CRYBG2: variants seen among roughly 807,000 people sequenced by gnomAD.
The protein encoded by CRYBG2 is beta/gamma crystallin domain-containing protein 2.
A neutral mutation model predicts 153.4 loss-of-function variants in CRYBG2; 106 were observed. The observed-to-expected ratio is 0.69, with a 90% confidence interval of 0.59 to 0.81. The LOEUF (loss-of-function observed/expected upper bound fraction) is 0.81, where lower values mean the gene tolerates loss of function less well. CRYBG2 is among the 30% of genes least tolerant of loss of function. CRYBG2 has a pLI of 0.00. For synonymous variants in CRYBG2, 851 were observed against 877.8 expected (o/e 0.97, Z 0.54); for missense variants, 1,996 against 2,112.0 (o/e 0.95, Z 1.08).
chr1:26,345,015 A>G lies in CRYBG2; in HGVS notation c.1643T>C (p.Val548Ala), dbSNP rs2074190441. Residue 548 changes from valine to alanine, a missense_variant, in exon 2 of 20, where the codon GTT becomes GCT. By Grantham distance (64) the Val-to-Ala change is moderately conservative (BLOSUM62 0). Coordinates refer to ENST00000308182, the MANE Select transcript of CRYBG2 (RefSeq NM_001039775.4). The part of the protein sequence containing the change: ...PDASFPTWKE[V>A]VKGPGAPAAS... ...AGCAGGAGCACCAGGGCCCTTCACA[A>G]CCTCTTTCCAGGTGGGAAATGAGGC... The G allele has an allele frequency of 4.0e-6, 4 of 996,200 alleles. No individual in the cohort carries two copies. The South Asian group carries it at 7.4e-5, about 18-fold the overall frequency. The allele number at this position is 996,200 out of a possible 1,614,324, so 61.7% of individuals were successfully genotyped here.
chr1:26,326,776 T>G (rs188565918), intron 17 of CRYBG2: 2 of 495,420 alleles, frequency 4.0e-6, no homozygotes, highest in African/African-American at 3.9e-5. Context: ...GTAATAGAAT[T>G]GTTGACCTCT....
At chr1:26,348,831 T>C (rs2074255213) in intron 1 of CRYBG2, among the ~76,000 whole-genome samples, 2 of 150,734 alleles carry the variant, frequency 1.3e-5, no homozygotes, top group South Asian at 2.1e-4. Flanking sequence ...GCTGGGATTA[T>C]AGACGTGAGC....
At chr1:26,331,671 C>T (rs2073998960) in intron 14 of CRYBG2, 53 bp from the exon 15 acceptor site, 4 of 1,597,282 alleles carry the variant, frequency 2.5e-6, no homozygotes, top group Non-Finnish European at 3.4e-6. Flanking sequence ...CCTTGGCCTG[C>T]CCAGGTTCCC....
rs56092779 is a variant in CRYBG2 at position 26,325,610 on chromosome 1, TACACACACACAC to T, written c.4579-1312_4579-1301del. On this transcript the variant is annotated intron_variant, in intron 17 of 19. Transcript: ENST00000308182. This position sits in a 1 kb window ranked among gnomAD's most constrained non-coding sequence, Gnocchi z 4.1. ...AAAAAAATGAATGCACTCCCACAGA[TACACACACACAC>T]ACACACACACACACACAGGTCATCA... Among the ~76,000 whole-genome samples, 5 of 148,948 alleles carry T rather than the reference TACACACACACAC, an allele frequency of 3.4e-5. No homozygotes were observed. In the South Asian group the frequency reaches 1.1e-3, roughly 32 times the overall value.
rs755147381 is a variant in CRYBG2, at chr1:26,322,207, G to A, written c.4854C>T (p.His1618=). 4 of 1,614,208 alleles carry A rather than the reference G, an allele frequency of 2.5e-6. No individual in the cohort carries two copies. Among genetic ancestry groups the A allele is most frequent in the South Asian group, 1.1e-5 (1 of 91,088 alleles). Residue 1618 remains histidine (H), a synonymous_variant, in exon 19 of 20, where the codon CAC becomes CAT. Transcript: ENST00000308182. ...GGCCTTCGAACATCTGGCTGCAGAT[G>A]TGGCCCGATTCACTGATGCTCCACG... ...RQTWSISESG[H]ICSQMFEGQI...
At position 26,336,734 on chromosome 1, in the gene CRYBG2, T is replaced by A. The variant is rs777718081; in HGVS notation, c.3912-2A>T. The A allele has an allele frequency of 6.3e-7, 1 of 1,583,802 alleles. No individual in the cohort carries two copies. Reference sequence around the variant, plus strand: ...CCCACCTCCTGGTAGGCCACCCACCTGCAGGAAGGGCGGGGCGCGAGTCAG... The same window carrying A: ...CCCACCTCCTGGTAGGCCACCCACCAGCAGGAAGGGCGGGGCGCGAGTCAG... On this transcript the variant is annotated splice_acceptor_variant, in intron 11 of 19. Transcript: ENST00000308182. LOFTEE classifies it high-confidence loss of function. The surrounding 1 kb of genome is among the most constrained non-coding windows in gnomAD (Gnocchi z 4.9).
chr1:26,336,747 G>C lies in CRYBG2; in HGVS notation c.3912-15C>G. 6.3e-7 allele frequency: 1 copy of C among 1,581,068 alleles called. No individual in the cohort carries two copies. On this transcript the variant is annotated splice_polypyrimidine_tract_variant and intron_variant, in intron 11 of 19. Transcript: ENST00000308182. This position sits in a 1 kb window ranked among gnomAD's most constrained non-coding sequence, Gnocchi z 4.9. ...AGGCCACCCACCTGCAGGAAGGGCG[G>C]GGCGCGAGTCAGCTGGGACGGAGCC...
chr1:26,344,892 G>A lies in CRYBG2; in HGVS notation c.1766C>T (p.Pro589Leu), dbSNP rs1407580339. The A allele has an allele frequency of 4.2e-5, 64 of 1,535,372 alleles. No homozygotes were observed. Among genetic ancestry groups the A allele is most frequent in the Non-Finnish European group, 5.3e-5 (61 of 1,147,550 alleles). The stretch of plus-strand genomic sequence containing the variant: ...TTTCTGGGTGGGCGATGAGGCAGCA[G>A]GAGCACCAGGGCCCTTCACAACCTC... ...PKEVVKGPGAPAASSPTQKEV... is the reference protein window; with the variant it reads ...PKEVVKGPGALAASSPTQKEV... Residue 589 changes from proline to leucine, a missense_variant, in exon 2 of 20, where the codon CCT becomes CTT. By Grantham distance (98) the Pro-to-Leu change is moderately conservative. Transcript: ENST00000308182.
intron 17 of CRYBG2, among the ~76,000 whole-genome samples, chr1:26,326,485 C>T (rs957833686): frequency 2.6e-5 from 4 of 151,238 alleles, no homozygotes; most frequent in African/African-American, 9.7e-5. Context: ...TTGCAGTGAG[C>T]CGAGATCATG....
Position 26,343,793 on chromosome 1 carries a change from T to C in CRYBG2, c.2865A>G (p.Arg955=). 2.8e-6 allele frequency: 4 copies of C among 1,451,318 alleles called. No individual in the cohort carries two copies. The South Asian group carries it at 4.5e-5, about 16-fold the overall frequency. The allele number at this position is 1,451,318 out of a possible 1,614,324, so 89.9% of individuals were successfully genotyped here. Residue 955 remains arginine, a synonymous_variant, in exon 2 of 20, where the codon AGA becomes AGG. Coordinates refer to ENST00000308182, the MANE Select transcript of CRYBG2 (RefSeq NM_001039775.4). The surrounding 1 kb of genome is among the most constrained non-coding windows in gnomAD (Gnocchi z 4.1). ...PGQLPLLCSE[R]SSPTEKLACS... ...AGGCAAGCTTCTCCGTTGGGGATGA[T>C]CTTTCACTGCAAAGCAGGGGCAACT...
Position 26,346,633 on chromosome 1 carries a change from C to G in CRYBG2, c.25G>C (p.Ala9Pro). 1 of 1,554,072 alleles carries G rather than the reference C, an allele frequency of 6.4e-7. No homozygotes were observed. The highest frequency in any genetic ancestry group is 1.4e-5 in the African/African-American group (1 of 73,270). MEEAGGPM[A>P]RAKARVVSAT... Reference sequence around the variant, plus strand: ...CTTACCACTCGGGCCTTGGCCCGGGCCATGGGCCCACCTGCCTCCTCCATG... The same window carrying G: ...CTTACCACTCGGGCCTTGGCCCGGGGCATGGGCCCACCTGCCTCCTCCATG... The change falls in exon 2 of 20, where the codon GCC becomes CCC. Residue 9 changes from alanine to proline, a missense_variant. Coordinates refer to ENST00000308182, the MANE Select transcript of CRYBG2 (RefSeq NM_001039775.4). The surrounding 1 kb of genome is among the most constrained non-coding windows in gnomAD (Gnocchi z 4.9).
At chr1:26,332,568 G>A (rs941472987) in intron 14 of CRYBG2, among the ~76,000 whole-genome samples, 5 of 151,986 alleles carry the variant, frequency 3.3e-5, no homozygotes, top group Middle Eastern at 3.4e-3. Context: ...GTGCAATGGC[G>A]CGATCTCAGC....
intron 5 of CRYBG2, among the ~76,000 whole-genome samples, 183 bp from the exon 6 acceptor site, chr1:26,339,612 C>T (rs1375268647): frequency 3.3e-5 from 5 of 151,822 alleles, no homozygotes; most frequent in Non-Finnish European, 7.4e-5. Context: ...TGGGCATGCC[C>T]GTAATCCCAG....
At chr1:26,338,553 G>A in intron 6 of CRYBG2, 76 bp from the exon 7 acceptor site, 1 of 1,448,102 alleles carries the variant, frequency 6.9e-7, no homozygotes, top group African/African-American at 1.4e-5. Context: ...GGGAGGGAAG[G>A]TTTAGAGTGG....
chr1:26,334,791 C>T (rs953298620), intron 14 of CRYBG2, among the ~76,000 whole-genome samples: 18 of 152,036 alleles, frequency 1.2e-4, no homozygotes, highest in East Asian at 3.9e-4. Flanking sequence ...GGCGTGGTGG[C>T]GGGTGCCTGT....
intron 18 of CRYBG2, among the ~76,000 whole-genome samples, chr1:26,323,241 C>T (rs934836308): frequency 5.3e-5 from 8 of 151,838 alleles, no homozygotes; most frequent in East Asian, 1.9e-4. Flanking sequence ...CCACCACATC[C>T]GGCTAGTTTT....
At chr1:26,332,079 G>A (rs1267857537) in intron 14 of CRYBG2, among the ~76,000 whole-genome samples, 3 of 150,588 alleles carry the variant, frequency 2.0e-5, no homozygotes, top group Admixed American at 6.6e-5. Context: ...AGGCTGAGGC[G>A]GGCAGATCAC....
chr1:26,343,307 A>G lies in CRYBG2; in HGVS notation c.2914-14T>C. 1 of 1,550,172 alleles carries G rather than the reference A, an allele frequency of 6.5e-7. No individual in the cohort carries two copies. The highest frequency in any genetic ancestry group is 8.7e-7 in the Non-Finnish European group (1 of 1,146,918). On this transcript the variant is annotated splice_polypyrimidine_tract_variant and intron_variant, in intron 2 of 19. Coordinates refer to ENST00000308182, the MANE Select transcript of CRYBG2 (RefSeq NM_001039775.4). This position sits in a 1 kb window ranked among gnomAD's most constrained non-coding sequence, Gnocchi z 4.1. ...TAAGGCTGGGCTCTGAAACGGAGGC[A>G]GGTGATAAAGAAGTCCTGTGGGGTC...
rs1226961441 is a variant in CRYBG2 at position 26,344,494 on chromosome 1, T to A, written c.2164A>T (p.Thr722Ser). The change falls in exon 2 of 20, where the codon ACC becomes TCC. Residue 722 changes from threonine (T) to serine (S), a missense_variant. By Grantham distance (58) the Thr-to-Ser change is moderately conservative. Coordinates refer to ENST00000308182, the MANE Select transcript of CRYBG2 (RefSeq NM_001039775.4). The stretch of plus-strand genomic sequence containing the variant: ...GCTCCTGTTGGCACTGGGGCAGGGG[T>A]GCCTCCTGGGCTGGGGGACACCCTG... Reference protein sequence around the residue: ...VDRVSPSPGGTPAPVPTGAEA... With the variant: ...VDRVSPSPGGSPAPVPTGAEA... 6.5e-7 allele frequency: 1 copy of A among 1,544,336 alleles called. No homozygotes were observed. Among genetic ancestry groups the A allele is most frequent in the African/African-American group, 1.4e-5 (1 of 72,932 alleles).
Sources: gnomAD v4.1 joint callset for allele counts (sites outside exome capture counted in the v4.1 genomes callset) on GRCh38, gnomAD v4.1.1 for gene constraint, Gnocchi (gnomAD v3.1) non-coding constraint, MANE v1.5 for transcripts, NCBI Gene and HGNC (gene_info 2026-07-23, HGNC 2026-07-21) for gene names.